The following ITGA1 variants were observed in gnomAD, a reference collection of about 807,000 sequenced individuals.
The protein encoded by ITGA1 is integrin subunit alpha 1.
In ITGA1, 85 loss-of-function variants were observed where a neutral mutation model predicts 145.9. The observed-to-expected ratio is 0.58, with a 90% CI of 0.49 to 0.70. The LOEUF (loss-of-function observed/expected upper bound fraction) is 0.70. Ranked by LOEUF, ITGA1 falls within the 30% of genes least tolerant of loss-of-function variation. The pLI, the probability that ITGA1 is intolerant of heterozygous loss-of-function variation, is 0.00. For missense variants in ITGA1, 1,351 were observed against 1,418.7 expected, an observed-to-expected ratio of 0.95 and a Z score of 0.77; for synonymous variants, 520 against 495.3, an observed-to-expected ratio of 1.05 and a Z score of -0.66.
chr5:52,888,076 C>T, intron 8 of ITGA1, 111 bp downstream of exon 8: 1 of 1,148,512 alleles, frequency 8.7e-7, no homozygotes, highest in Non-Finnish European at 1.2e-6. Flanking sequence ...AGAGAAAGGT[C>T]TCCATTTGAA....
Position 52,918,781 on chromosome 5 carries a change from A to G in ITGA1, c.2038A>G (p.Lys680Glu), listed in dbSNP as rs773007124. The change falls in exon 16 of 29, where the codon AAA becomes GAA. Residue 680 changes from lysine to glutamate, a missense_variant. Lys to Glu is a moderately conservative substitution (Grantham distance 56). Coordinates refer to ENST00000282588, the MANE Select transcript of ITGA1 (RefSeq NM_181501.2). ...VKVTMNFEPN[K>E]VNIQKKNCHM... ...AGTGACCATGAATTTTGAGCCAAAT[A>G]AAGTGAATATTCAAAAGAAAAACTG... The G allele has an allele frequency of 4.3e-6, 7 of 1,612,504 alleles. No homozygotes were observed. In the East Asian group the frequency reaches 6.7e-5, roughly 15 times the overall value.
intron 9 of ITGA1, among the ~76,000 whole-genome samples, chr5:52,894,977 C>T (rs1013859658): frequency 3.3e-5 from 5 of 151,964 alleles, no homozygotes; most frequent in African/African-American, 1.2e-4. Context: ...CTACATTTTG[C>T]TTTTTGACCC....
chr5:52,831,136 C>CT (rs71614388), intron 1 of ITGA1, among the ~76,000 whole-genome samples: 89 of 150,172 alleles, frequency 5.9e-4, no homozygotes, highest in African/African-American at 2.0e-3. Flanking sequence ...AGAGGTCACA[C>CT]TTTTTTTTTT....
intron 15 of ITGA1, among the ~76,000 whole-genome samples, chr5:52,917,534 G>C (rs2082000495): frequency 7.1e-6 from 1 of 140,252 alleles, no homozygotes; most frequent in African/African-American, 2.5e-5. Context: ...CATAGATTAT[G>C]GTATGTGCAT....
intron 1 of ITGA1, among the ~76,000 whole-genome samples, chr5:52,823,750 G>T (rs1748915708): frequency 6.6e-6 from 1 of 152,088 alleles, no homozygotes; most frequent in African/African-American, 2.4e-5. Context: ...CTAAAATACA[G>T]ACAAAGGAAA....
At chr5:52,832,718 T>G (rs2111723761) in intron 1 of ITGA1, among the ~76,000 whole-genome samples, 1 of 151,850 alleles carries the variant, frequency 6.6e-6, no homozygotes, top group Admixed American at 6.6e-5. Flanking sequence ...TGAAAAATAT[T>G]ATAGGTATCG....
chr5:52,795,161 A>G (rs1279803422), intron 1 of ITGA1, among the ~76,000 whole-genome samples: 1 of 151,982 alleles, frequency 6.6e-6, no homozygotes, highest in Non-Finnish European at 1.5e-5. Context: ...TAATTTTTGC[A>G]TACTAAAAAT....
At chr5:52,865,488 C>T (rs1056693712) in intron 5 of ITGA1, among the ~76,000 whole-genome samples, 6 of 152,156 alleles carry the variant, frequency 3.9e-5, no homozygotes, top group African/African-American at 9.7e-5. Context: ...AATTTTATCC[C>T]ACACCAATTG....
chr5:52,856,864 G>A (rs539187312), intron 2 of ITGA1, among the ~76,000 whole-genome samples: 80 of 152,126 alleles, frequency 5.3e-4, no homozygotes, highest in Middle Eastern at 3.4e-3. Context: ...CTATTGCCTG[G>A]GCTCATCATC....
intron 3 of ITGA1, among the ~76,000 whole-genome samples, chr5:52,862,750 C>T (rs1005328406): frequency 2.6e-5 from 4 of 152,030 alleles, no homozygotes; most frequent in Non-Finnish European, 5.9e-5. Context: ...CGGAAAATTC[C>T]TACTAAAATT....
At chr5:52,800,731 G>T (rs1466504701) in intron 1 of ITGA1, 2 of 1,614,108 alleles carry the variant, frequency 1.2e-6, no homozygotes, top group African/African-American at 1.3e-5. Flanking sequence ...GTTCACCCTG[G>T]CCAAGAAGCA....
At chr5:52,844,100 A>C (rs536038163) in intron 1 of ITGA1, among the ~76,000 whole-genome samples, 1 of 152,246 alleles carries the variant, frequency 6.6e-6, no homozygotes, top group South Asian at 2.1e-4. Context: ...GATATCCTTC[A>C]ACACCAGCAA....
chr5:52,804,308 T>C lies in ITGA1; in HGVS notation c.61+15894T>C, dbSNP rs116218234. On this transcript the variant is annotated intron_variant, in intron 1 of 28. Coordinates refer to ENST00000282588, the MANE Select transcript of ITGA1 (RefSeq NM_181501.2). ...CCTATCATGTGCTTGCAAACAAAGA[T>C]TTCCTATGCCACTAAACTCAATAAG... is the stretch of plus-strand genomic sequence containing the variant. Among the ~76,000 whole-genome samples the C allele has an allele frequency of 4.4e-3, 666 of 152,326 alleles. 2 individuals are homozygous for C. The highest frequency in any genetic ancestry group is 0.01 in the Middle Eastern group (3 of 294).
At chr5:52,894,340 T>C (rs985612084) in intron 9 of ITGA1, among the ~76,000 whole-genome samples, 3 of 152,186 alleles carry the variant, frequency 2.0e-5, no homozygotes, top group Non-Finnish European at 4.4e-5. Context: ...TTAAAATCCA[T>C]GGCAATGAAA....
chr5:52,856,846 G>A (rs1364629294), intron 2 of ITGA1, among the ~76,000 whole-genome samples: 1 of 152,136 alleles, frequency 6.6e-6, no homozygotes, highest in Non-Finnish European at 1.5e-5. Context: ...GATTGAATAG[G>A]TATTCCCCTA....
In ITGA1 at chr5:52,809,377, T is replaced by A. The variant is rs541745323; in HGVS notation, c.61+20963T>A. On this transcript the variant is annotated intron_variant, in intron 1 of 28. Transcript: ENST00000282588. Reference sequence around the variant, plus strand: ...GAGGGCTAACTCAGCCTGGCTTTAGTGAGGAGGTATTCCCAGAGTTTAAAC... The same window carrying A: ...GAGGGCTAACTCAGCCTGGCTTTAGAGAGGAGGTATTCCCAGAGTTTAAAC... Among the ~76,000 whole-genome samples the A allele has an allele frequency of 2.8e-4, 42 of 152,210 alleles. 1 individual carries two copies. The highest frequency in any genetic ancestry group is 5.3e-4 in the Non-Finnish European group (36 of 68,012).
At chr5:52,871,638 G>GGAAT (rs1314550314) in intron 6 of ITGA1, among the ~76,000 whole-genome samples, 1 of 2,496 alleles carries the variant, frequency 4.0e-4, no homozygotes, top group African/African-American at 5.2e-3. Flanking sequence ...AAGGAAAGGG[G>GGAAT]GAAGGAAGGA....
chr5:52,957,236 G>A lies in ITGA1; in HGVS notation c.*4785G>A, dbSNP rs1751318315. On this transcript the variant is annotated 3_prime_UTR_variant, in exon 29 of 29. Coordinates refer to ENST00000282588, the MANE Select transcript of ITGA1 (RefSeq NM_181501.2). ...CCCCTACAGCATCTCCACCCAGGAA[G>A]TCCAGTTCCTAACTAATGGGAATGG... The A allele has an allele frequency of 1.3e-5, 2 of 152,168 alleles. No homozygotes were observed. Among genetic ancestry groups the A allele is most frequent in the South Asian group, 4.1e-4 (2 of 4,824 alleles). 9.4% of individuals were successfully genotyped at this position (152,168 alleles called of 1,614,324 possible). A position where few individuals can be genotyped will look rare whatever the true frequency, so the allele number is the denominator to read the frequency against.
chr5:52,865,720 T>C lies in ITGA1; in HGVS notation c.527T>C (p.Val176Ala). 1.3e-6 allele frequency: 2 copies of C among 1,591,436 alleles called. No homozygotes were observed. Among genetic ancestry groups the C allele is most frequent in the Non-Finnish European group, 8.5e-7 (1 of 1,172,734 alleles). Residue 176 changes from valine (V) to alanine (A), a missense_variant, in exon 6 of 29, where the codon GTG becomes GCG. By Grantham distance (64) the Val-to-Ala change is moderately conservative. Coordinates refer to ENST00000282588, the MANE Select transcript of ITGA1 (RefSeq NM_181501.2). ...AGCACTCAACTGGACATAGTCATAGTGCTGGATGGTTCCAACAGTATTTAC... is the reference window on the plus strand; with the variant it reads ...AGCACTCAACTGGACATAGTCATAGCGCTGGATGGTTCCAACAGTATTTAC... ...ECSTQLDIVI[V>A]LDGSNSIYPW...
Sources: gnomAD v4.1 joint callset for allele counts (sites outside exome capture counted in the v4.1 genomes callset) on GRCh38, gnomAD v4.1.1 for gene constraint, MANE v1.5 for transcripts, NCBI Gene and HGNC (gene_info 2026-07-23, HGNC 2026-07-21) for gene names.